The following ANK2 variants were observed in gnomAD, a reference collection of about 807,000 sequenced individuals.
ANK2 encodes ankyrin 2.
ANK2 carries 83 observed loss-of-function variants against 360.5 expected under a neutral mutation model. The observed-to-expected ratio is 0.23, with a 90% CI of 0.19 to 0.28. ANK2 has a LOEUF of 0.28. ANK2 is among the 10% of genes least tolerant of loss of function. ANK2 has a pLI of 1.00. For missense variants in ANK2, 4,201 were observed against 4,795.7 expected, an observed-to-expected ratio of 0.88 and a Z score of 3.66; for synonymous variants, 1,740 against 1,759.5, an observed-to-expected ratio of 0.99 and a Z score of 0.28.
chr4:113,246,834 A>G (rs2043135255), intron 9 of ANK2, among the ~76,000 whole-genome samples: 1 of 152,120 alleles, frequency 6.6e-6, no homozygotes, highest in Non-Finnish European at 1.5e-5. Flanking sequence ...CTTCCTAACA[A>G]CTTATGAAGT....
chr4:112,807,422 A>T, the ANK2 span, among the ~76,000 whole-genome samples: 1 of 152,242 alleles, frequency 6.6e-6, no homozygotes, highest in South Asian at 2.1e-4. Context: ...TGTAAGGAAG[A>T]ACATGGCAGA....
intron 2 of ANK2, among the ~76,000 whole-genome samples, chr4:112,926,942 G>A (rs1305171906): frequency 2.0e-5 from 3 of 152,196 alleles, no homozygotes; most frequent in African/African-American, 7.2e-5. Flanking sequence ...ACAGGACTGG[G>A]GAGGTGTCAG....
chr4:113,150,212 T>G (rs2097008256), intron 1 of ANK2, among the ~76,000 whole-genome samples: 1 of 152,172 alleles, frequency 6.6e-6, no homozygotes. Context: ...ACTATGAACC[T>G]ACCAAGCTGC....
chr4:112,854,229 G>A (rs1346006289), intron 1 of ANK2, among the ~76,000 whole-genome samples: 2 of 152,154 alleles, frequency 1.3e-5, no homozygotes, highest in Non-Finnish European at 2.9e-5. Flanking sequence ...TTACTAGGAA[G>A]GACATTGTGT....
At chr4:113,149,923 C>T (rs1285399022) in intron 1 of ANK2, among the ~76,000 whole-genome samples, 1 of 120,998 alleles carries the variant, frequency 8.3e-6, no homozygotes, top group Non-Finnish European at 1.7e-5. Context: ...GAAGAGAAGA[C>T]ATGACTTTCA....
At chr4:112,716,522 G>A in the ANK2 span, among the ~76,000 whole-genome samples, 4 of 152,138 alleles carry the variant, frequency 2.6e-5, no homozygotes, top group Non-Finnish European at 2.9e-5. Flanking sequence ...TGTTTATATC[G>A]TAAGCCTTCT....
intron 9 of ANK2, among the ~76,000 whole-genome samples, chr4:113,248,425 C>T (rs1586043454): frequency 1.3e-5 from 2 of 152,042 alleles, no homozygotes; most frequent in South Asian, 4.1e-4. Flanking sequence ...GGTAAACTTT[C>T]GTAAAGACAC....
At chr4:113,121,419 T>C (rs1040972556) in intron 1 of ANK2, among the ~76,000 whole-genome samples, 4 of 152,172 alleles carry the variant, frequency 2.6e-5, no homozygotes, top group Non-Finnish European at 4.4e-5. Context: ...TAAATTACCT[T>C]CCTACAGCTG....
intron 1 of ANK2, among the ~76,000 whole-genome samples, chr4:112,844,149 T>C (rs182864747): frequency 5.9e-5 from 9 of 152,312 alleles, no homozygotes; most frequent in Admixed American, 2.0e-4. Context: ...ATTCACCATT[T>C]CCCTATTTTG....
intron 2 of ANK2, among the ~76,000 whole-genome samples, chr4:113,017,882 C>A (rs1159061033): frequency 6.6e-6 from 1 of 152,198 alleles, no homozygotes; most frequent in Non-Finnish European, 1.5e-5. Flanking sequence ...TAACCCATCA[C>A]ATCATACTTG....
At chr4:113,102,385 G>GGAT (rs779908337) in intron 1 of ANK2, among the ~76,000 whole-genome samples, 4 of 152,038 alleles carry the variant, frequency 2.6e-5, no homozygotes, top group Non-Finnish European at 5.9e-5. Flanking sequence ...ACATCAAAGT[G>GGAT]GATATGTCAG....
intron 26 of ANK2, among the ~76,000 whole-genome samples, chr4:113,321,481 T>C (rs992678684): frequency 6.6e-6 from 1 of 152,234 alleles, no homozygotes; most frequent in Non-Finnish European, 1.5e-5. Flanking sequence ...ATGCATTTGA[T>C]GACTCTAACA....
intron 1 of ANK2, among the ~76,000 whole-genome samples, chr4:113,109,282 T>C (rs1470282841): frequency 6.6e-6 from 1 of 152,194 alleles, no homozygotes; most frequent in Non-Finnish European, 1.5e-5. Context: ...ATTTGAAGTC[T>C]TTATAGATCT....
At chr4:113,346,046 C>A (rs990858600) in intron 35 of ANK2, 24 bp downstream of exon 35, 1 of 1,612,054 alleles carries the variant, frequency 6.2e-7, no homozygotes, top group Non-Finnish European at 8.5e-7. Context: ...TGCTATAGTG[C>A]AATTCAGGTA....
chr4:113,113,967 A>C (rs2094530481), intron 1 of ANK2, among the ~76,000 whole-genome samples: 1 of 152,220 alleles, frequency 6.6e-6, no homozygotes, highest in Non-Finnish European at 1.5e-5. Context: ...CTGTGTAGGA[A>C]TGTCTAATCT....
In ANK2 at chr4:113,345,988, G is replaced by A; in HGVS notation, c.4337G>A (p.Cys1446Tyr). 1 of 1,613,604 alleles carries A rather than the reference G, an allele frequency of 6.2e-7. No homozygotes were observed. The highest frequency in any genetic ancestry group is 8.5e-7 in the Non-Finnish European group (1 of 1,179,622). ...STRGLVHQAI[C>Y]NLNITLPIYT... ...AGAGGCCTGGTGCATCAAGCTATTT[G>A]CAACTTAAACATCACTTTGCCGATT... The change falls in exon 35 of 46, where the codon TGC becomes TAC. Residue 1446 changes from cysteine (C) to tyrosine (Y), a missense_variant. Coordinates refer to ENST00000357077, the MANE Select transcript of ANK2 (RefSeq NM_001148.6).
At position 113,258,157 on chromosome 4, in the gene ANK2, A is replaced by G. The variant is rs1563222656; in HGVS notation, c.1287+9A>G. The G allele has an allele frequency of 6.2e-7, 1 of 1,606,320 alleles. No homozygotes were observed. Among genetic ancestry groups the G allele is most frequent in the East Asian group, 2.2e-5 (1 of 44,840 alleles). On this transcript the variant is annotated intron_variant, in intron 12 of 45. Coordinates refer to ENST00000357077, the MANE Select transcript of ANK2 (RefSeq NM_001148.6). ...TCCAAGCTATAACAGAGGTAGAAAAATGTTTTAGCTAGTCACAAAGCATTC... is the reference window on the plus strand; with the variant it reads ...TCCAAGCTATAACAGAGGTAGAAAAGTGTTTTAGCTAGTCACAAAGCATTC...
At chr4:112,874,901 T>C (rs966952619) in intron 1 of ANK2, among the ~76,000 whole-genome samples, 1 of 152,158 alleles carries the variant, frequency 6.6e-6, no homozygotes, top group Non-Finnish European at 1.5e-5. Context: ...CAAATATTTG[T>C]CGGATGGTAG....
chr4:113,212,579 G>T (rs2099036548), intron 4 of ANK2, among the ~76,000 whole-genome samples: 1 of 152,186 alleles, frequency 6.6e-6, no homozygotes, highest in Non-Finnish European at 1.5e-5. Context: ...CTGAAGCTAG[G>T]TGGTCAAATC....
Sources: allele counts gnomAD v4.1 joint callset (sites outside exome capture counted in the v4.1 genomes callset), GRCh38; gene constraint gnomAD v4.1.1; transcripts MANE v1.5; gene names NCBI Gene and HGNC (gene_info 2026-07-23, HGNC 2026-07-21).